Variants in MARCHF6 observed in about 807,000 individuals in gnomAD.
The protein encoded by MARCHF6 is E3 ubiquitin-protein ligase MARCHF6.
A neutral mutation model predicts 133.7 loss-of-function variants in MARCHF6; 31 were observed. The observed-to-expected ratio is 0.23, with a 90% CI of 0.17 to 0.31. The LOEUF is 0.31. Ranked by LOEUF, MARCHF6 falls within the 10% of genes least tolerant of loss-of-function variation. MARCHF6 has a pLI of 1.00. For missense variants in MARCHF6, 723 were observed against 1,121.6 expected, an observed-to-expected ratio of 0.64 and a Z score of 5.08; for synonymous variants, 395 against 402.5, an observed-to-expected ratio of 0.98 and a Z score of 0.22.
At chr5:10,381,994 TA>T in intron 4 of MARCHF6, 51 bp downstream of exon 4, 1 of 1,505,124 alleles carries the variant, frequency 6.6e-7, no homozygotes, top group East Asian at 2.3e-5. Context: ...CATAACTACT[TA>T]ATATTATAAA....
chr5:10,379,670 C>G (rs940253256), intron 3 of MARCHF6, among the ~76,000 whole-genome samples: 2 of 152,042 alleles, frequency 1.3e-5, no homozygotes, highest in Admixed American at 6.6e-5. Context: ...ACCATGTTAG[C>G]CAGGATGGTC....
At position 10,403,434 on chromosome 5, in the gene MARCHF6, C is replaced by G. The variant is rs998223447; in HGVS notation, c.1225C>G (p.Arg409Gly). The G allele has an allele frequency of 6.2e-7, 1 of 1,613,838 alleles. No homozygotes were observed. Among genetic ancestry groups the G allele is most frequent in the Non-Finnish European group, 8.5e-7 (1 of 1,179,840 alleles). ...LEMFDATLKD[R>G]ELSFQSAPGT... ...AATGTTTGATGCTACTCTGAAAGAT[C>G]GAGAACTGAGCTTTCAGTCGGCTCC... Residue 409 changes from arginine (R) to glycine (G), a missense_variant, in exon 15 of 26, where the codon CGA (arginine) becomes GGA (glycine). By Grantham distance (125) the Arg-to-Gly change is moderately radical (BLOSUM62 -2). Transcript: ENST00000274140.
At chr5:10,427,620 A>T (rs1740156377) in intron 24 of MARCHF6, among the ~76,000 whole-genome samples, 1 of 152,126 alleles carries the variant, frequency 6.6e-6, no homozygotes, top group Admixed American at 6.5e-5. Flanking sequence ...ACCGTGAGAG[A>T]GGAGCTTAAA....
chr5:10,418,609 A>G (rs1434921426), intron 22 of MARCHF6, among the ~76,000 whole-genome samples: 1 of 152,184 alleles, frequency 6.6e-6, no homozygotes, highest in African/African-American at 2.4e-5. Flanking sequence ...ATCTGTTAGT[A>G]TATTGCAATG....
chr5:10,363,005 CT>C (rs1292728093), intron 1 of MARCHF6, among the ~76,000 whole-genome samples: 1 of 151,972 alleles, frequency 6.6e-6, no homozygotes, highest in Admixed American at 6.6e-5. Flanking sequence ...AAAAAAAGAA[CT>C]TTGAGCTATA....
intron 6 of MARCHF6, 78 bp from the exon 7 acceptor site, chr5:10,391,464 T>TTTTTA: frequency 2.3e-6 from 1 of 431,752 alleles, no homozygotes; most frequent in East Asian, 4.6e-5. Context: ...TTTTTTTTTT[T>TTTTTA]AGCAGGAATA....
At chr5:10,409,964 T>A (rs978771682) in intron 17 of MARCHF6, among the ~76,000 whole-genome samples, 175 bp from the exon 18 acceptor site, 7 of 152,122 alleles carry the variant, frequency 4.6e-5, no homozygotes, top group African/African-American at 1.7e-4. Flanking sequence ...GTGACCCTTA[T>A]CAGAAACAAT....
chr5:10,433,684 AAGT>A lies in MARCHF6; in HGVS notation c.*4_*6del. 1 of 1,613,724 alleles carries A rather than the reference AAGT, an allele frequency of 6.2e-7. No individual in the cohort carries two copies. Among genetic ancestry groups the A allele is most frequent in the Non-Finnish European group, 8.5e-7 (1 of 1,179,646 alleles). Reference sequence around the variant, plus strand: ...CACCTCCACAGTCATCCCAAGAATAAAGTAGTTGTCTCAACAACTTGACCTTCC... The same window carrying A: ...CACCTCCACAGTCATCCCAAGAATAAAGTTGTCTCAACAACTTGACCTTCC... On this transcript the variant is annotated 3_prime_UTR_variant, in exon 26 of 26. Transcript: ENST00000274140.
chr5:10,366,597 A>G (rs1736152365), intron 1 of MARCHF6, among the ~76,000 whole-genome samples: 1 of 152,186 alleles, frequency 6.6e-6, no homozygotes, highest in African/African-American at 2.4e-5. Context: ...AAGACAAAAG[A>G]AACTTTTAAA....
In MARCHF6 at chr5:10,411,452, T is replaced by G; in HGVS notation, c.1811T>G (p.Leu604Arg). Residue 604 changes from leucine (L) to arginine (R), a missense_variant, in exon 19 of 26, where the codon CTT becomes CGT. Coordinates refer to ENST00000274140, the MANE Select transcript of MARCHF6 (RefSeq NM_005885.4). ...GCTATTCCTGTGGTGGGAGAAGGCC[T>G]TCATGCAGCCCACCAAGCCATACTC... ...NNAIPVVGEG[L>R]HAAHQAILQQ... 1 of 1,614,238 alleles carries G rather than the reference T, an allele frequency of 6.2e-7. No individual in the cohort carries two copies. The highest frequency in any genetic ancestry group is 8.5e-7 in the Non-Finnish European group (1 of 1,180,036).
At chr5:10,430,053 CTT>C (rs780937514) in intron 25 of MARCHF6, 25 bp downstream of exon 25, 2 of 1,595,828 alleles carry the variant, frequency 1.3e-6, no homozygotes, top group South Asian at 2.2e-5. Context: ...CTGTTCGTCT[CTT>C]GTTTAAGTGT....
Position 10,377,820 on chromosome 5 carries a change from A to G in MARCHF6, c.42A>G (p.Ser14=). 6.2e-7 allele frequency: 1 copy of G among 1,612,640 alleles called. No homozygotes were observed. The highest frequency in any genetic ancestry group is 1.1e-5 in the South Asian group (1 of 91,056). ...AEEDICRVCR[S]EGTPEKPLYH... ...CAGACATATGTAGAGTGTGTCGGTC[A>G]GAAGGAACACCTGAGAAACCGCTTT... The change falls in exon 2 of 26, where the codon TCA becomes TCG. Residue 14 remains serine, a synonymous_variant. Transcript: ENST00000274140.
intron 22 of MARCHF6, among the ~76,000 whole-genome samples, chr5:10,418,965 T>A (rs532759123): frequency 1.3e-5 from 2 of 152,196 alleles, no homozygotes; most frequent in South Asian, 4.1e-4. Flanking sequence ...CCAACCTAAC[T>A]AGTAGAGAAC....
chr5:10,396,131 T>G (rs1738175808), intron 9 of MARCHF6, among the ~76,000 whole-genome samples: 1 of 152,208 alleles, frequency 6.6e-6, no homozygotes, highest in Admixed American at 6.5e-5. Context: ...TGCCAGCTAT[T>G]GTGCTAGGCA....
At chr5:10,408,891 T>C (rs1269633827) in intron 17 of MARCHF6, among the ~76,000 whole-genome samples, 1 of 152,238 alleles carries the variant, frequency 6.6e-6, no homozygotes, top group Non-Finnish European at 1.5e-5. Flanking sequence ...TTTATAGCAT[T>C]TGTTACATTA....
At chr5:10,407,678 G>C (rs1738976785) in intron 17 of MARCHF6, among the ~76,000 whole-genome samples, 1 of 152,198 alleles carries the variant, frequency 6.6e-6, no homozygotes, top group Non-Finnish European at 1.5e-5. Context: ...CTAAGGCCAG[G>C]CGTGGTGGCT....
Position 10,435,586 on chromosome 5 carries a change from T to G in MARCHF6, c.*1902T>G, listed in dbSNP as rs1740566049. The G allele has an allele frequency of 7.9e-6, 1 of 127,342 alleles. No homozygotes were observed. The highest frequency in any genetic ancestry group is 1.6e-5 in the Non-Finnish European group (1 of 62,622). 7.9% of individuals were successfully genotyped at this position (127,342 alleles called of 1,614,324 possible). On this transcript the variant is annotated 3_prime_UTR_variant, in exon 26 of 26. Coordinates refer to ENST00000274140, the MANE Select transcript of MARCHF6 (RefSeq NM_005885.4). Reference sequence around the variant, plus strand: ...ATAGTGTATTTCTAAATTGCTCTCTTTGGGAGAAAAACATTATTATTGAAT... The same window carrying G: ...ATAGTGTATTTCTAAATTGCTCTCTGTGGGAGAAAAACATTATTATTGAAT...
chr5:10,355,431 G>T (rs1450346368), intron 1 of MARCHF6, among the ~76,000 whole-genome samples: 1 of 152,174 alleles, frequency 6.6e-6, no homozygotes, highest in Non-Finnish European at 1.5e-5. Context: ...TTTGGCCTGG[G>T]CATTGCTACT....
intron 24 of MARCHF6, 68 bp from the exon 25 acceptor site, chr5:10,429,825 G>C (rs1740279311): frequency 7.5e-7 from 1 of 1,324,656 alleles, no homozygotes; most frequent in East Asian, 2.3e-5. Context: ...CTAGGGGAAG[G>C]ACATGTTTAC....
Sources: gnomAD v4.1 joint callset for allele counts (sites outside exome capture counted in the v4.1 genomes callset) on GRCh38, gnomAD v4.1.1 for gene constraint, MANE v1.5 for transcripts, NCBI Gene and HGNC (gene_info 2026-07-23, HGNC 2026-07-21) for gene names.